Variants in ZBTB20 observed in about 807,000 individuals in gnomAD.
ZBTB20 encodes the protein zinc finger and BTB domain containing 20, also known as zinc finger and BTB domain-containing protein 20.
In ZBTB20, 9 loss-of-function variants were observed where a neutral mutation model predicts 56.9. The observed-to-expected ratio is 0.16, with a 90% CI of 0.10 to 0.28. ZBTB20 has a LOEUF of 0.28. Ranked by LOEUF, ZBTB20 falls within the 10% of genes least tolerant of loss-of-function variation. The pLI, the probability that ZBTB20 is intolerant of heterozygous loss-of-function variation, is 1.00. For synonymous variants in ZBTB20, 417 were observed against 420.7 expected, an observed-to-expected ratio of 0.99 and a Z score of 0.11; for missense variants, 655 against 1,003.0, an observed-to-expected ratio of 0.65 and a Z score of 4.69.
intron 6 of ZBTB20, among the ~76,000 whole-genome samples, chr3:114,587,090 G>A (rs1359782827): frequency 3.4e-5 from 5 of 147,584 alleles, no homozygotes; most frequent in Non-Finnish European, 3.0e-5. Context: ...TCCATCTCCC[G>A]GGTTCAAGCG....
Position 114,907,327 on chromosome 3 carries a change from T to G in ZBTB20, c.-455-6985A>C, listed in dbSNP as rs924799206. On this transcript the variant is annotated intron_variant, in intron 3 of 11. Coordinates refer to ENST00000675478, the MANE Select transcript of ZBTB20 (RefSeq NM_001348800.3). Reference sequence around the variant, plus strand: ...CGGAAATTCTATTTTCATACTTAGTTGCTTTCAGTATTCTTACTAATTTGG... The same window carrying G: ...CGGAAATTCTATTTTCATACTTAGTGGCTTTCAGTATTCTTACTAATTTGG... Among the ~76,000 whole-genome samples, 7 of 151,928 alleles carry G rather than the reference T, an allele frequency of 4.6e-5. No homozygotes were observed. In the East Asian group the frequency reaches 1.3e-3, roughly 29 times the overall value.
chr3:114,992,922 A>T (rs1224986921), intron 2 of ZBTB20, among the ~76,000 whole-genome samples: 1 of 152,010 alleles, frequency 6.6e-6, no homozygotes. Flanking sequence ...TCTGTAGACC[A>T]GTACAGGCAC....
chr3:114,375,851 G>T (rs956734106), intron 10 of ZBTB20: 5 of 152,210 alleles, frequency 3.3e-5, no homozygotes, highest in African/African-American at 7.2e-5. Context: ...GTACATCTGA[G>T]TTACAGGATG....
At chr3:114,556,142 T>C (rs1447707806) in intron 6 of ZBTB20, among the ~76,000 whole-genome samples, 1 of 152,106 alleles carries the variant, frequency 6.6e-6, no homozygotes, top group African/African-American at 2.4e-5. Context: ...CTTCCCTTCA[T>C]CCAGAAGAAA....
At chr3:114,676,185 A>G (rs2061614406) in intron 6 of ZBTB20, among the ~76,000 whole-genome samples, 1 of 152,186 alleles carries the variant, frequency 6.6e-6, no homozygotes, top group African/African-American at 2.4e-5. Context: ...AGCTTGCAGC[A>G]TTCATTTGAT....
chr3:114,695,355 G>C (rs564296964), intron 5 of ZBTB20, among the ~76,000 whole-genome samples: 1 of 151,842 alleles, frequency 6.6e-6, no homozygotes, highest in Non-Finnish European at 1.5e-5. Context: ...AACAGCTAAT[G>C]TGTTCCCAAG....
rs927191389 is a variant in ZBTB20 at position 114,778,361 on chromosome 3, GCAA to G, written c.-343+22737_-343+22739del. Among the ~76,000 whole-genome samples, 229 of 148,676 alleles carry G rather than the reference GCAA, an allele frequency of 1.5e-3. 2 individuals carry two copies. The highest frequency in any genetic ancestry group is 5.0e-3 in the African/African-American group (203 of 40,754). On this transcript the variant is annotated intron_variant, in intron 5 of 11. Transcript: ENST00000675478. ...CAAAACTCCATCTCAAAACAAAACA[GCAA>G]CAACAACAAAAAACCCAATAACTTA...
intron 6 of ZBTB20, among the ~76,000 whole-genome samples, chr3:114,563,521 T>A (rs1274575423): frequency 6.6e-6 from 1 of 152,184 alleles, no homozygotes; most frequent in Admixed American, 6.5e-5. Context: ...AAATGGTCAA[T>A]TGTTGCCACA....
At chr3:114,488,741 CAT>C (rs930152961) in intron 7 of ZBTB20, among the ~76,000 whole-genome samples, 16 of 152,318 alleles carry the variant, frequency 1.1e-4, no homozygotes, top group African/African-American at 2.9e-4. Context: ...AGTGTACAAA[CAT>C]GTGTACATAT....
intron 6 of ZBTB20, among the ~76,000 whole-genome samples, chr3:114,517,053 A>G (rs1252461445): frequency 2.0e-5 from 3 of 152,188 alleles, no homozygotes; most frequent in Non-Finnish European, 4.4e-5. Flanking sequence ...AGTGCCTACT[A>G]TGTGCTAGGA....
At chr3:114,696,475 C>T (rs752514407) in intron 5 of ZBTB20, among the ~76,000 whole-genome samples, 12 of 152,018 alleles carry the variant, frequency 7.9e-5, no homozygotes, top group Non-Finnish European at 1.8e-4. Flanking sequence ...CCTTCACACA[C>T]CTGAACTTAA....
intron 2 of ZBTB20, among the ~76,000 whole-genome samples, chr3:115,022,525 C>A (rs566773831): frequency 6.6e-6 from 1 of 151,112 alleles, no homozygotes; most frequent in Non-Finnish European, 1.5e-5. Flanking sequence ...TAACTTAGAG[C>A]CATGTTTACC....
intron 4 of ZBTB20, among the ~76,000 whole-genome samples, chr3:114,856,682 C>T (rs1476899664): frequency 6.6e-6 from 1 of 152,050 alleles, no homozygotes; most frequent in East Asian, 1.9e-4. Flanking sequence ...AATATTTTAT[C>T]ACAGGAATGT....
At chr3:114,539,519 G>A (rs964092157) in intron 6 of ZBTB20, among the ~76,000 whole-genome samples, 10 of 152,096 alleles carry the variant, frequency 6.6e-5, no homozygotes, top group African/African-American at 2.4e-4. Flanking sequence ...AGAAACACAG[G>A]AACAGAGTAT....
intron 2 of ZBTB20, among the ~76,000 whole-genome samples, chr3:115,034,882 A>G (rs2080849715): frequency 6.6e-6 from 1 of 152,042 alleles, no homozygotes; most frequent in African/African-American, 2.4e-5. Context: ...AAACTAAGAA[A>G]TAAAATAGAG....
chr3:115,142,998 C>G (rs1576841721), intron 1 of ZBTB20, among the ~76,000 whole-genome samples: 1 of 152,060 alleles, frequency 6.6e-6, no homozygotes, highest in South Asian at 2.1e-4. Context: ...GTAAGACTCA[C>G]CATGACAGAT....
chr3:114,423,139 C>T (rs1306685837), intron 7 of ZBTB20, among the ~76,000 whole-genome samples: 1 of 152,198 alleles, frequency 6.6e-6, no homozygotes, highest in East Asian at 1.9e-4. Flanking sequence ...CTTCACTGAG[C>T]TTTCAGTTGA....
chr3:115,119,750 C>T (rs1560587143), intron 1 of ZBTB20, among the ~76,000 whole-genome samples: 1 of 152,112 alleles, frequency 6.6e-6, no homozygotes, highest in Admixed American at 6.6e-5. Flanking sequence ...TTCAATTTCA[C>T]GATTCCGATT....
At chr3:115,080,883 A>G (rs1027768086) in intron 1 of ZBTB20, among the ~76,000 whole-genome samples, 1 of 152,214 alleles carries the variant, frequency 6.6e-6, no homozygotes, top group Non-Finnish European at 1.5e-5. Context: ...CAGGGAGGGA[A>G]GCTAACATTT....
Sources: gnomAD v4.1 joint callset for allele counts (sites outside exome capture counted in the v4.1 genomes callset) on GRCh38, gnomAD v4.1.1 for gene constraint, MANE v1.5 for transcripts, NCBI Gene and HGNC (gene_info 2026-07-23, HGNC 2026-07-21) for gene names.